The following ACAP3 variants were observed in gnomAD, a reference collection of about 807,000 sequenced individuals.
The protein encoded by ACAP3 is arf-GAP with coiled-coil, ANK repeat and PH domain-containing protein 3.
In ACAP3, 56 loss-of-function variants were observed where a neutral mutation model predicts 104.1. The observed-to-expected ratio is 0.54, with a 90% CI of 0.43 to 0.67. ACAP3 has a LOEUF of 0.67. ACAP3 is among the 30% of genes least tolerant of loss of function. The probability of loss-of-function intolerance (pLI) is 0.00; values close to 1 mark genes in which losing one functional copy is unlikely to be tolerated. For synonymous variants in ACAP3, 628 were observed against 496.2 expected, an observed-to-expected ratio of 1.27 and a Z score of -3.53; for missense variants, 1,208 against 1,174.9, an observed-to-expected ratio of 1.03 and a Z score of -0.41.
At chr1:1,306,657 C>T (rs934363247) in intron 1 of ACAP3, among the ~76,000 whole-genome samples, 18 of 152,326 alleles carry the variant, frequency 1.2e-4, no homozygotes, top group Admixed American at 1.3e-4. Context: ...AGAGACCCAG[C>T]GCGCGCGTGC....
Position 1,294,723 on chromosome 1 carries a change from T to A in ACAP3, c.1907A>T (p.Glu636Val). The A allele has an allele frequency of 6.5e-7, 1 of 1,549,354 alleles. No homozygotes were observed. The change falls in exon 20 of 24, where the codon GAG becomes GTG. Residue 636 changes from glutamate to valine, a missense_variant. Transcript: ENST00000354700. ...GSGSVVDSVT[E>V]EEGAESEESS... ...GAGGGCAAGACGCCACCCACCCTCC[T>A]CAGTGACGCTGTCCACCACAGAGCC... is the stretch of plus-strand genomic sequence containing the variant.
At chr1:1,301,835 G>A (rs1012901972) in intron 5 of ACAP3, 153 bp downstream of exon 5, 13 of 643,390 alleles carry the variant, frequency 2.0e-5, no homozygotes, top group East Asian at 3.2e-5. Context: ...CACTCCACCC[G>A]GCTGTCTGCC....
At chr1:1,307,658 C>G (rs1476759965) in intron 1 of ACAP3, 111 bp downstream of exon 1, 4 of 995,982 alleles carry the variant, frequency 4.0e-6, no homozygotes, top group Admixed American at 5.6e-5. Context: ...CCAGCCCCTC[C>G]CCGGCGGCCG....
rs1282482368 is a variant in ACAP3, at chr1:1,293,241, G to A, written c.*323C>T. ...AGGCCCTGAGGACACAGGGACACAGGTGACACGGGCCTTAAAAGTGGCTTG... is the reference window on the plus strand; with the variant it reads ...AGGCCCTGAGGACACAGGGACACAGATGACACGGGCCTTAAAAGTGGCTTG... On this transcript the variant is annotated 3_prime_UTR_variant, in exon 24 of 24. Transcript: ENST00000354700. The A allele has an allele frequency of 1.6e-5, 3 of 193,084 alleles. No individual in the cohort carries two copies. Among genetic ancestry groups the A allele is most frequent in the East Asian group, 1.4e-4 (1 of 7,340 alleles). 12.0% of individuals were successfully genotyped at this position (193,084 alleles called of 1,614,324 possible).
At chr1:1,307,446 C>G in intron 1 of ACAP3, 1 of 1,295,578 alleles carries the variant, frequency 7.7e-7, no homozygotes. Flanking sequence ...ACGACCCTGG[C>G]CAGAGCTGGA....
chr1:1,305,198 C>T (rs1570665585), intron 1 of ACAP3: 1 of 152,302 alleles, frequency 6.6e-6, no homozygotes, highest in Non-Finnish European at 1.5e-5. Flanking sequence ...CCAGCCACCC[C>T]AGAAGGACAC....
At chr1:1,307,013 C>G (rs959754071) in intron 1 of ACAP3, 8 of 494,372 alleles carry the variant, frequency 1.6e-5, no homozygotes, top group African/African-American at 1.6e-4. Flanking sequence ...GGGCAAAGTT[C>G]ACAAGAGCGC....
intron 19 of ACAP3, among the ~76,000 whole-genome samples, chr1:1,295,244 C>G (rs1274549199): frequency 3.3e-5 from 5 of 152,156 alleles, no homozygotes; most frequent in Non-Finnish European, 7.4e-5. Context: ...GTGCACACAC[C>G]CAGGTGCACA....
At position 1,298,436 on chromosome 1, in the gene ACAP3, G is replaced by C; in HGVS notation, c.864-15C>G. The C allele has an allele frequency of 6.3e-7, 1 of 1,598,000 alleles. No homozygotes were observed. The highest frequency in any genetic ancestry group is 1.3e-5 in the African/African-American group (1 of 74,560). On this transcript the variant is annotated splice_polypyrimidine_tract_variant and intron_variant, in intron 11 of 23. Coordinates refer to ENST00000354700, the MANE Select transcript of ACAP3 (RefSeq NM_030649.3). ...AGAACCAGCGCCTAGGTGGGTGGGG[G>C]GATGTGGGGAGTCAGGCGGGGCCCA...
rs901960728 is a variant in ACAP3 at position 1,307,749 on chromosome 1, G to A, written c.47+20C>T. 7.3e-6 allele frequency: 8 copies of A among 1,091,032 alleles called. No homozygotes were observed. The African/African-American group carries it at 1.2e-4, about 16-fold the overall frequency. The allele number at this position is 1,091,032 out of a possible 1,614,324, so 67.6% of individuals were successfully genotyped here. On this transcript the variant is annotated intron_variant, in intron 1 of 23. Transcript: ENST00000354700. The stretch of plus-strand genomic sequence containing the variant: ...GACGCCCCCGGCCTGCGCCCACCCC[G>A]GCGGCCCCGGGCGGCGCACCTGAAG...
chr1:1,302,946 T>C lies in ACAP3; in HGVS notation c.255A>G (p.Leu85=). ...CCATGTGGTAGTTCACCACCTCCTGTAGGCTGTCAGCGAACCTCTGCAGAC... is the reference window on the plus strand; with the variant it reads ...CCATGTGGTAGTTCACCACCTCCTGCAGGCTGTCAGCGAACCTCTGCAGAC... ...SECLQRFADS[L]QEVVNYHMIL... Residue 85 remains leucine (L), a synonymous_variant, in exon 4 of 24, where the codon CTA becomes CTG. Transcript: ENST00000354700. The C allele has an allele frequency of 1.9e-6, 3 of 1,611,630 alleles. No individual in the cohort carries two copies. Among genetic ancestry groups the C allele is most frequent in the South Asian group, 1.1e-5 (1 of 90,890 alleles).
intron 1 of ACAP3, chr1:1,307,179 G>A (rs557541083): frequency 1.6e-6 from 2 of 1,285,936 alleles, no homozygotes; most frequent in Non-Finnish European, 2.0e-6. Flanking sequence ...AGTTCACGCA[G>A]GTGTACACGC....
rs1384620313 is a variant in ACAP3 at position 1,293,847 on chromosome 1, G to C, written c.2336C>G (p.Ala779Gly). Residue 779 changes from alanine (A) to glycine (G), a missense_variant, in exon 23 of 24, where the codon GCG becomes GGG. By Grantham distance (60) the Ala-to-Gly change is moderately conservative. Coordinates refer to ENST00000354700, the MANE Select transcript of ACAP3 (RefSeq NM_030649.3). ...QRDPLAIAVQ[A>G]ANADIVTLLR... ...CAGTGTCACGATGTCAGCGTTGGCC[G>C]CCTGCACTGCGATGGCCAACGGGTC... 1.9e-6 allele frequency: 3 copies of C among 1,580,164 alleles called. No homozygotes were observed. Among genetic ancestry groups the C allele is most frequent in the Non-Finnish European group, 2.6e-6 (3 of 1,166,460 alleles).
chr1:1,303,785 A>C lies in ACAP3; in HGVS notation c.105+301T>G. 2.0e-6 allele frequency: 1 copy of C among 489,554 alleles called. No individual in the cohort carries two copies. The allele number at this position is 489,554 out of a possible 1,614,324, so 30.3% of individuals were successfully genotyped here. A position where few individuals can be genotyped will look rare whatever the true frequency, so the allele number is the denominator to read the frequency against. On this transcript the variant is annotated intron_variant, in intron 2 of 23. Coordinates refer to ENST00000354700, the MANE Select transcript of ACAP3 (RefSeq NM_030649.3). This position sits in a 1 kb window ranked among gnomAD's most constrained non-coding sequence, Gnocchi z 4.0. ...CCAGCCACACCAAGGCTCAGCCCAC[A>C]CAGCAGCTGTCCCCGTGTCACCAGC...
rs1641468592 is a variant in ACAP3 at position 1,302,054 on chromosome 1, C to T, written c.280-8G>A. 6.6e-7 allele frequency: 1 copy of T among 1,524,340 alleles called. No individual in the cohort carries two copies. Among genetic ancestry groups the T allele is most frequent in the Non-Finnish European group, 8.8e-7 (1 of 1,130,316 alleles). 94.4% of individuals were successfully genotyped at this position (1,524,340 alleles called of 1,614,324 possible). ...GGCCTGGTCAAACAGGATCTGGGGG[C>T]AGAGGCGGGCAGAGATCCTTGGGGT... On this transcript the variant is annotated splice_polypyrimidine_tract_variant and splice_region_variant and intron_variant, in intron 4 of 23. Transcript: ENST00000354700.
At chr1:1,306,290 G>C (rs1641690870) in intron 1 of ACAP3, among the ~76,000 whole-genome samples, 2 of 152,148 alleles carry the variant, frequency 1.3e-5, no homozygotes, top group Admixed American at 6.5e-5. Context: ...GCAGTACAGG[G>C]CCGTCTGCGT....
rs1641126532 is a variant in ACAP3 at position 1,296,015 on chromosome 1, C to T, written c.1502G>A (p.Arg501Gln). ...GSRKPTASSS[R>Q]QDKEAWIKDK... ...TGATCCAGACTGTACCCCACCTCAC[C>T]GGGAGCTGCTGGCTGTGGGTTTCCT... The change falls in exon 17 of 24, where the codon CGG becomes CAG. Residue 501 changes from arginine to glutamine, a missense_variant and splice_region_variant. Arg to Gln is a conservative substitution (Grantham distance 43, BLOSUM62 1). Coordinates refer to ENST00000354700, the MANE Select transcript of ACAP3 (RefSeq NM_030649.3). 2.5e-6 allele frequency: 4 copies of T among 1,612,666 alleles called. No homozygotes were observed. The highest frequency in any genetic ancestry group is 3.4e-6 in the Non-Finnish European group (4 of 1,179,982).
In ACAP3 at chr1:1,295,438, C is replaced by G. The variant is rs1641083347; in HGVS notation, c.1813+9G>C. 6.2e-7 allele frequency: 1 copy of G among 1,612,024 alleles called. No homozygotes were observed. ...CCCTGCCACCTGGCTGGGCCCACCC[C>G]ACACTTACTGCGAGGGCCAGCCCCT... On this transcript the variant is annotated intron_variant, in intron 19 of 23. Transcript: ENST00000354700.
intron 12 of ACAP3, 57 bp from the exon 13 acceptor site, chr1:1,298,170 C>G: frequency 2.6e-6 from 4 of 1,566,258 alleles, no homozygotes; most frequent in Non-Finnish European, 3.5e-6. Flanking sequence ...CCCGACCACC[C>G]ACTTCCTGCT....
Sources: gnomAD v4.1 joint callset for allele counts (sites outside exome capture counted in the v4.1 genomes callset) on GRCh38, gnomAD v4.1.1 for gene constraint, Gnocchi (gnomAD v3.1) non-coding constraint, MANE v1.5 for transcripts, NCBI Gene and HGNC (gene_info 2026-07-23, HGNC 2026-07-21) for gene names.